FER1L5: variants seen among roughly 807,000 people sequenced by gnomAD.
The protein encoded by FER1L5 is fer-1 like family member 5.
Under a neutral mutation model 279.9 loss-of-function variants are expected in FER1L5, and 187 were observed. The ratio of observed to expected loss-of-function variants is 0.67; its 90% CI spans 0.59 to 0.75. FER1L5 has a LOEUF of 0.75. Ranked by LOEUF, FER1L5 falls within the 30% of genes least tolerant of loss-of-function variation. The pLI is 0.00. For synonymous variants in FER1L5, 921 were observed against 989.7 expected, an observed-to-expected ratio of 0.93 and a Z score of 1.30; for missense variants, 2,091 against 2,594.4, an observed-to-expected ratio of 0.81 and a Z score of 4.21.
chr2:96,696,832 G>A (rs971693039), intron 37 of FER1L5, among the ~76,000 whole-genome samples: 2 of 152,178 alleles, frequency 1.3e-5, no homozygotes, highest in Non-Finnish European at 2.9e-5. Context: ...TTGAACCCCA[G>A]AGGTGGAGGT....
At chr2:96,692,932 C>T (rs2077209622) in intron 31 of FER1L5, among the ~76,000 whole-genome samples, 1 of 152,290 alleles carries the variant, frequency 6.6e-6, no homozygotes, top group East Asian at 1.9e-4. Flanking sequence ...AATTCCTGCA[C>T]TTTGGGAGGC....
At position 96,684,400 on chromosome 2, in the gene FER1L5, C is replaced by T; in HGVS notation, c.1743C>T (p.Val581=). Residue 581 remains valine, a synonymous_variant, in exon 20 of 53, where the codon GTC becomes GTT. Coordinates refer to ENST00000624922, the MANE Select transcript of FER1L5 (RefSeq NM_001293083.2). ...CCGTGACCTCCAACTGGGAGGACGT[C>T]AGCTTCCGCATGAACTGCCTCAACC... ...VVAVTSNWED[V]SFRMNCLNLL... is the part of the protein sequence containing the mutation. 3 of 1,551,668 alleles carry T rather than the reference C, an allele frequency of 1.9e-6. No homozygotes were observed. Among genetic ancestry groups the T allele is most frequent in the Non-Finnish European group, 2.6e-6 (3 of 1,146,990 alleles).
At position 96,691,488 on chromosome 2, in the gene FER1L5, T is replaced by C; in HGVS notation, c.2951T>C (p.Phe984Ser). The C allele has an allele frequency of 6.5e-7, 1 of 1,549,188 alleles. No homozygotes were observed. Among genetic ancestry groups the C allele is most frequent in the Non-Finnish European group, 8.7e-7 (1 of 1,146,110 alleles). Reference protein sequence around the residue: ...GEEEGWEYDTFGSKFHLNPQP... With the variant: ...GEEEGWEYDTSGSKFHLNPQP... ...GAGGAGGGCTGGGAGTATGACACCT[T>C]CGGCTCCAAGTTCCACCTCAACCCT... The change falls in exon 29 of 53, where the codon TTC becomes TCC. Residue 984 changes from phenylalanine to serine, a missense_variant. By Grantham distance (155) the Phe-to-Ser change is radical. Transcript: ENST00000624922. The surrounding 1 kb of genome is among the most constrained non-coding windows in gnomAD (Gnocchi z 6.0).
intron 6 of FER1L5, among the ~76,000 whole-genome samples, chr2:96,651,677 A>G (rs928512333): frequency 6.6e-6 from 1 of 151,550 alleles, no homozygotes; most frequent in Admixed American, 6.6e-5. Flanking sequence ...ATTTTTTTGT[A>G]ATTTTTGTAG....
At chr2:96,670,544 G>A (rs193301353) in intron 18 of FER1L5, among the ~76,000 whole-genome samples, 39 of 151,624 alleles carry the variant, frequency 2.6e-4, no homozygotes, top group African/African-American at 7.7e-4. Flanking sequence ...TTGGGAGACC[G>A]AGGAGGGAGG....
intron 3 of FER1L5, among the ~76,000 whole-genome samples, chr2:96,647,406 C>G (rs1306492424): frequency 1.3e-5 from 2 of 152,208 alleles, no homozygotes; most frequent in South Asian, 4.1e-4. Context: ...TTCTGCTTCT[C>G]TCTGCCCAAC....
In FER1L5 at chr2:96,699,058, T is replaced by C. The variant is rs202240902; in HGVS notation, c.4532T>C (p.Val1511Ala). The change falls in exon 42 of 53, where the codon GTG (valine) becomes GCG (alanine). Residue 1511 changes from valine to alanine, a missense_variant. Coordinates refer to ENST00000624922, the MANE Select transcript of FER1L5 (RefSeq NM_001293083.2). Reference sequence around the variant, plus strand: ...ATCTGACCCCAGTGTGACCCTTATGTGATCCTGAAACTGGGCAAGACAGAG... The same window carrying C: ...ATCTGACCCCAGTGTGACCCTTATGCGATCCTGAAACTGGGCAAGACAGAG... ...QDYNGLCDPY[V>A]ILKLGKTELG... 474 of 1,610,716 alleles carry C rather than the reference T, an allele frequency of 2.9e-4. No individual in the cohort carries two copies. Among genetic ancestry groups the C allele is most frequent in the Non-Finnish European group, 3.7e-4 (435 of 1,178,612 alleles).
intron 14 of FER1L5, among the ~76,000 whole-genome samples, chr2:96,668,084 A>T (rs938319842): frequency 2.0e-5 from 3 of 151,956 alleles, no homozygotes; most frequent in Admixed American, 6.6e-5. Context: ...TGCTCAAGTG[A>T]TCTGCCCGCT....
chr2:96,647,948 C>T (rs781272286), intron 4 of FER1L5, 62 bp downstream of exon 4: 14 of 1,298,300 alleles, frequency 1.1e-5, no homozygotes, highest in Admixed American at 7.9e-5. Context: ...GCTGGTGAAG[C>T]GGCCCACACC....
At chr2:96,670,000 A>C in intron 17 of FER1L5, 119 bp from the exon 18 acceptor site, 1 of 1,341,980 alleles carries the variant, frequency 7.5e-7, no homozygotes, top group Admixed American at 2.2e-5. Flanking sequence ...TTGTGGTTGC[A>C]GTAAGCCCCG....
chr2:96,695,541 G>A lies in FER1L5; in HGVS notation c.3774G>A (p.Lys1258=). 6.3e-7 allele frequency: 1 copy of A among 1,594,050 alleles called. No individual in the cohort carries two copies. Among genetic ancestry groups the A allele is most frequent in the Non-Finnish European group, 8.5e-7 (1 of 1,170,650 alleles). The change falls in exon 35 of 53, where the codon AAG becomes AAA. Residue 1258 remains lysine, a synonymous_variant. Transcript: ENST00000624922. The part of the protein sequence containing the change: ...ILAWGLRNMK[K]ASSPQLLVEF... ...CCTGGGGCCTTCGGAACATGAAGAAGGCGAGCTCCCCCCAGCTCCTGGTGG... is the reference window on the plus strand; with the variant it reads ...CCTGGGGCCTTCGGAACATGAAGAAAGCGAGCTCCCCCCAGCTCCTGGTGG...
rs769461642 is a variant in FER1L5 at position 96,697,479 on chromosome 2, C to T, written c.4084-47C>T. The T allele has an allele frequency of 5.6e-6, 9 of 1,595,990 alleles. No individual in the cohort carries two copies. The African/African-American group carries it at 9.4e-5, about 17-fold the overall frequency. On this transcript the variant is annotated intron_variant, in intron 37 of 52. Coordinates refer to ENST00000624922, the MANE Select transcript of FER1L5 (RefSeq NM_001293083.2). ...CCCCTCTCCTCTCTGAAGTCAGAGC[C>T]CATGAGTGAGCTATGGCTTTCCCTT...
In FER1L5 at chr2:96,694,965, A is replaced by G. The variant is rs1021774983; in HGVS notation, c.3741+501A>G. The G allele has an allele frequency of 6.5e-6, 1 of 154,948 alleles. No homozygotes were observed. Among genetic ancestry groups the G allele is most frequent in the Non-Finnish European group, 1.4e-5 (1 of 70,126 alleles). The allele number at this position is 154,948 out of a possible 1,614,324, so 9.6% of individuals were successfully genotyped here. ...CAAGACGGTCAGGCCTCTGGGACTG[A>G]AGGCTTCCCCAAGATCAGGCAACTT... On this transcript the variant is annotated intron_variant, in intron 34 of 52. Transcript: ENST00000624922. This position sits in a 1 kb window ranked among gnomAD's most constrained non-coding sequence, Gnocchi z 4.6.
At chr2:96,659,472 T>C (rs1375381175) in intron 9 of FER1L5, among the ~76,000 whole-genome samples, 42 of 29,320 alleles carry the variant, frequency 1.4e-3, no homozygotes, top group Non-Finnish European at 1.6e-3. Context: ...TTTCTTTCTT[T>C]CTTTCTTTCT....
At chr2:96,657,585 AC>A (rs1457746039) in intron 9 of FER1L5, among the ~76,000 whole-genome samples, 1 of 151,178 alleles carries the variant, frequency 6.6e-6, no homozygotes, top group Non-Finnish European at 1.5e-5. Flanking sequence ...TTCCCATCCC[AC>A]CCCCTCCATC....
chr2:96,670,338 G>A, intron 18 of FER1L5, 91 bp downstream of exon 18: 2 of 1,491,916 alleles, frequency 1.3e-6, no homozygotes, highest in Non-Finnish European at 1.8e-6. Context: ...CGTGTAGAGA[G>A]GCCCTGGCCA....
intron 8 of FER1L5, 104 bp from the exon 9 acceptor site, chr2:96,654,342 A>G (rs900525208): frequency 1.8e-5 from 7 of 396,018 alleles, no homozygotes; most frequent in South Asian, 1.3e-4. Context: ...GAAGCATTCA[A>G]TACGTCAGGA....
intron 45 of FER1L5, 114 bp from the exon 46 acceptor site, chr2:96,701,841 G>A (rs2077597047): frequency 6.6e-6 from 6 of 910,792 alleles, no homozygotes; most frequent in East Asian, 2.5e-5. Context: ...CCCACCCCTC[G>A]GTGTTGGGAA....
chr2:96,679,090 C>T (rs914091014), intron 19 of FER1L5, among the ~76,000 whole-genome samples: 5 of 151,560 alleles, frequency 3.3e-5, no homozygotes, highest in African/African-American at 9.7e-5. Context: ...TGTGGTGGCT[C>T]ACGCCTGTAA....
Sources: gnomAD v4.1 joint callset for allele counts (sites outside exome capture counted in the v4.1 genomes callset) on GRCh38, gnomAD v4.1.1 for gene constraint, Gnocchi (gnomAD v3.1) non-coding constraint, MANE v1.5 for transcripts, NCBI Gene and HGNC (gene_info 2026-07-23, HGNC 2026-07-21) for gene names.